Variants in GSE1 observed in about 807,000 individuals in gnomAD.
GSE1 encodes Gse1 coiled-coil protein.
GSE1 carries 32 observed loss-of-function variants against 112.6 expected under a neutral mutation model. The ratio of observed to expected loss-of-function variants is 0.28; its 90% CI spans 0.21 to 0.38. The LOEUF is 0.38. Ranked by LOEUF, GSE1 falls within the 10% of genes least tolerant of loss-of-function variation. GSE1 has a pLI of 1.00. For missense variants in GSE1, 2,348 were observed against 1,699.2 expected (o/e 1.38, Z -6.71); for synonymous variants, 1,115 against 735.6 (o/e 1.52, Z -8.35).
rs191744949 is a variant in GSE1, at chr16:85,249,984, G to A, written c.2283+78177G>A. 1.2e-3 allele frequency among the ~76,000 whole-genome samples: 183 copies of A among 152,348 alleles called. 3 individuals carry two copies. Among genetic ancestry groups the A allele is most frequent in the Admixed American group, 0.011 (176 of 15,308 alleles). ...CCTTGTCTGTAGCAGGGATGAGAAC[G>A]GCTCCTGCCTCCCAAGCTGTTGCGG... On this transcript the variant is annotated intron_variant, in intron 1 of 2. Transcript: ENST00000637419.
chr16:85,642,532 C>G (rs2050527719), intron 2 of GSE1, among the ~76,000 whole-genome samples: 1 of 152,210 alleles, frequency 6.6e-6, no homozygotes, highest in African/African-American at 2.4e-5. Context: ...TCTGTTCAAG[C>G]TGCCCCTCAC....
At chr16:85,510,124 T>C (rs532941498) in intron 2 of GSE1, among the ~76,000 whole-genome samples, 139 of 152,288 alleles carry the variant, frequency 9.1e-4, no homozygotes, top group Admixed American at 2.2e-3. Flanking sequence ...CCTGGAGCCC[T>C]CAGGGCTCCC....
upstream of GSE1, among the ~76,000 whole-genome samples, chr16:85,551,672 C>G (rs2044922550): frequency 1.3e-5 from 2 of 152,202 alleles, no homozygotes; most frequent in South Asian, 4.1e-4. Flanking sequence ...TCCTCCCTTA[C>G]AAAGGTCCCT....
intron 1 of GSE1, among the ~76,000 whole-genome samples, chr16:85,191,619 C>G (rs900381922): frequency 6.6e-6 from 1 of 152,192 alleles, no homozygotes; most frequent in African/African-American, 2.4e-5. Flanking sequence ...AGATGGAACT[C>G]TACGTGCCGC....
chr16:85,673,104 A>ACAAAG lies in GSE1; in HGVS notation c.*569_*573dup, dbSNP rs2053473981. ...TCAAAGCAACAAGTCCTAGGAGCAC[A>ACAAAG]CAAAGCAACCCAAAGGCTTTTCCCT... On this transcript the variant is annotated 3_prime_UTR_variant, in exon 16 of 16. Transcript: ENST00000253458. 6.6e-6 allele frequency: 1 copy of ACAAAG among 152,314 alleles called. No homozygotes were observed. Among genetic ancestry groups the ACAAAG allele is most frequent in the South Asian group, 2.1e-4 (1 of 4,834 alleles). The allele number at this position is 152,314 out of a possible 1,614,324, so 9.4% of individuals were successfully genotyped here.
chr16:85,324,473 G>C (rs1398703727), intron 1 of GSE1, among the ~76,000 whole-genome samples: 1 of 148,392 alleles, frequency 6.7e-6, no homozygotes, highest in Non-Finnish European at 1.5e-5. Context: ...TCACGCCACT[G>C]CACTCCAGCC....
intron 1 of GSE1, among the ~76,000 whole-genome samples, chr16:85,623,460 C>G (rs1420257393): frequency 6.6e-6 from 1 of 152,220 alleles, no homozygotes; most frequent in Non-Finnish European, 1.5e-5. Flanking sequence ...CCCTGGAAGT[C>G]CGCACTGAGC....
intron 2 of GSE1, among the ~76,000 whole-genome samples, chr16:85,514,257 C>G (rs929027362): frequency 2.6e-5 from 4 of 151,616 alleles, no homozygotes; most frequent in Non-Finnish European, 5.9e-5. Flanking sequence ...TCCCTCTGTG[C>G]TCTTCCTCTC....
At chr16:85,336,620 G>A (rs984074445) in intron 1 of GSE1, among the ~76,000 whole-genome samples, 3 of 144,414 alleles carry the variant, frequency 2.1e-5, no homozygotes, top group Admixed American at 6.9e-5. Flanking sequence ...TTTTTTTTTC[G>A]AGTTGAAGTC....
chr16:85,428,029 A>C (rs186058044), intron 2 of GSE1, among the ~76,000 whole-genome samples: 17 of 152,324 alleles, frequency 1.1e-4, no homozygotes, highest in African/African-American at 4.1e-4. Context: ...CTCCATGGCC[A>C]TGCGTGGCCC....
In GSE1 at chr16:85,622,701, G is replaced by A. The variant is rs2048816742; in HGVS notation, c.7+9303G>A. On this transcript the variant is annotated intron_variant, in intron 1 of 15. Coordinates refer to ENST00000253458, the MANE Select transcript of GSE1 (RefSeq NM_014615.5). ...TGAGGGGCAAGTCCTGACTTGGTGA[G>A]CTTGCTTTGATTCAGGGGAGACCTA... is the stretch of plus-strand genomic sequence containing the variant. Among the ~76,000 whole-genome samples, 6 of 152,224 alleles carry A rather than the reference G, an allele frequency of 3.9e-5. No homozygotes were observed. In the South Asian group the frequency reaches 1.2e-3, roughly 31 times the overall value.
chr16:85,271,451 G>A (rs992351392), intron 1 of GSE1, among the ~76,000 whole-genome samples: 1 of 152,244 alleles, frequency 6.6e-6, no homozygotes, highest in African/African-American at 2.4e-5. Flanking sequence ...CTTGGGAACT[G>A]GTGGGGAAGT....
intron 1 of GSE1, among the ~76,000 whole-genome samples, chr16:85,300,321 C>T (rs2045486115): frequency 6.6e-6 from 1 of 152,212 alleles, no homozygotes; most frequent in African/African-American, 2.4e-5. Flanking sequence ...CCATGTTAGC[C>T]ATTTTTAAGT....
chr16:85,218,010 C>G (rs146632917), intron 1 of GSE1, among the ~76,000 whole-genome samples: 1 of 152,116 alleles, frequency 6.6e-6, no homozygotes, highest in African/African-American at 2.4e-5. Flanking sequence ...AAGCAATTAT[C>G]GTGCCTCAGC....
chr16:85,516,603 A>AG (rs1297824207), intron 2 of GSE1, among the ~76,000 whole-genome samples: 3 of 151,398 alleles, frequency 2.0e-5, no homozygotes, highest in Non-Finnish European at 4.4e-5. Context: ...AAAAAAAAAA[A>AG]AAAGATTTAA....
chr16:85,523,718 G>A (rs908139763), intron 2 of GSE1, among the ~76,000 whole-genome samples: 1 of 152,224 alleles, frequency 6.6e-6, no homozygotes, highest in African/African-American at 2.4e-5. Flanking sequence ...CGGCCTCCCC[G>A]AACACTGGGA....
At chr16:85,667,351 G>A (rs867308938) in intron 13 of GSE1, among the ~76,000 whole-genome samples, 1 of 152,238 alleles carries the variant, frequency 6.6e-6, no homozygotes, top group Admixed American at 6.5e-5. Context: ...GCCCCACCAG[G>A]GGCTGCCATC....
At chr16:85,424,549 G>A (rs962270350) in intron 2 of GSE1, among the ~76,000 whole-genome samples, 5 of 152,230 alleles carry the variant, frequency 3.3e-5, no homozygotes, top group Non-Finnish European at 7.3e-5. Context: ...CTGCCCCTGA[G>A]CTGGCCTGGC....
At chr16:85,517,162 C>T (rs948684368) in intron 2 of GSE1, among the ~76,000 whole-genome samples, 1 of 152,010 alleles carries the variant, frequency 6.6e-6, no homozygotes, top group African/African-American at 2.4e-5. Flanking sequence ...AGGCTGTGTC[C>T]CCCCTCGCTG....
Sources: gnomAD v4.1 joint callset for allele counts (sites outside exome capture counted in the v4.1 genomes callset) on GRCh38, gnomAD v4.1.1 for gene constraint, MANE v1.5 for transcripts, NCBI Gene and HGNC (gene_info 2026-07-23, HGNC 2026-07-21) for gene names.